FOXP4: variants seen among roughly 807,000 people sequenced by gnomAD.
The protein encoded by FOXP4 is forkhead box protein P4.
A neutral mutation model predicts 82.6 loss-of-function variants in FOXP4; 25 were observed. The ratio of observed to expected loss-of-function variants is 0.30; its 90% CI spans 0.22 to 0.42. The LOEUF (loss-of-function observed/expected upper bound fraction) is 0.42, where lower values mean the gene tolerates loss of function less well. Ranked by LOEUF, FOXP4 falls within the 10% of genes least tolerant of loss-of-function variation. FOXP4 has a pLI of 1.00. For synonymous variants in FOXP4, 415 were observed against 388.2 expected, an observed-to-expected ratio of 1.07 and a Z score of -0.81; for missense variants, 785 against 900.9, an observed-to-expected ratio of 0.87 and a Z score of 1.65.
rs186052270 is a variant in FOXP4, at chr6:41,552,076, G to A, written c.-17+5209G>A. On this transcript the variant is annotated intron_variant, in intron 1 of 16. Coordinates refer to ENST00000307972, the MANE Select transcript of FOXP4 (RefSeq NM_001012426.2). ...GCCTCCCCGTGTGAAATGAAACCAG[G>A]GGGTGGGAGGTTGGGGTAGCTTCCG... Among the ~76,000 whole-genome samples, 672 of 152,298 alleles carry A rather than the reference G, an allele frequency of 4.4e-3. 4 individuals carry two copies. The highest frequency in any genetic ancestry group is 6.8e-3 in the Middle Eastern group (2 of 294).
Position 41,585,521 on chromosome 6 carries a change from A to G in FOXP4, c.510+4A>G. The G allele has an allele frequency of 6.2e-7, 1 of 1,613,452 alleles. No homozygotes were observed. The highest frequency in any genetic ancestry group is 8.5e-7 in the Non-Finnish European group (1 of 1,179,724). On this transcript the variant is annotated splice_donor_region_variant and intron_variant, in intron 5 of 16. Coordinates refer to ENST00000307972, the MANE Select transcript of FOXP4 (RefSeq NM_001012426.2). ...TGGGAAACCGCAGCCCAAAGAGGTA[A>G]GGGGCTGTACCAGGGCCCACCACCG...
intron 2 of FOXP4, among the ~76,000 whole-genome samples, chr6:41,574,303 G>T (rs556120835): frequency 6.6e-6 from 1 of 152,320 alleles, no homozygotes; most frequent in Non-Finnish European, 1.5e-5. Context: ...GCCCTGAGCA[G>T]TCAGAGGTGT....
At position 41,587,727 on chromosome 6, in the gene FOXP4, A is replaced by G. The variant is rs904451627; in HGVS notation, c.873-66A>G. 82 of 1,135,324 alleles carry G rather than the reference A, an allele frequency of 7.2e-5. No homozygotes were observed. In the Admixed American group the frequency reaches 1.8e-3, roughly 25 times the overall value. 70.3% of individuals were successfully genotyped at this position (1,135,324 alleles called of 1,614,324 possible). On this transcript the variant is annotated intron_variant, in intron 7 of 16. Transcript: ENST00000307972. ...GTCACCAGCAGGGGAGCTGGTGCTC[A>G]GCTGACTACAGGGCCGCTGGGGTCT...
In FOXP4 at chr6:41,560,438, A is replaced by G. The variant is rs189750744; in HGVS notation, c.-16-5307A>G. On this transcript the variant is annotated intron_variant, in intron 1 of 16. Coordinates refer to ENST00000307972, the MANE Select transcript of FOXP4 (RefSeq NM_001012426.2). ...GAAACGATATCTTATTTAAATTCCA[A>G]CCGCCACCATTGCTCTGGGTACGGG... Among the ~76,000 whole-genome samples, 1,026 of 152,266 alleles carry G rather than the reference A, an allele frequency of 6.7e-3. 15 individuals carry two copies. Among genetic ancestry groups the G allele is most frequent in the African/African-American group, 0.023 (964 of 41,562 alleles).
intron 14 of FOXP4, among the ~76,000 whole-genome samples, chr6:41,596,614 A>G (rs1237573534): frequency 6.6e-6 from 1 of 151,884 alleles, no homozygotes; most frequent in Non-Finnish European, 1.5e-5. Flanking sequence ...TCACTGGAAG[A>G]GGGACAGCCC....
intron 1 of FOXP4, 38 bp from the exon 2 acceptor site, chr6:41,565,707 G>T: frequency 6.5e-7 from 1 of 1,538,568 alleles, no homozygotes; most frequent in Middle Eastern, 1.8e-4. Flanking sequence ...TCAGCCTTCA[G>T]CCTCAGCCTC....
chr6:41,578,009 C>T lies in FOXP4; in HGVS notation c.228C>T (p.Phe76=), dbSNP rs757620369. ...AGGCTCTCCAAGTGGCCCGGCAGTTCCTGCTGCAGCAGGCCTCAGGCCTGA... is the reference window on the plus strand; with the variant it reads ...AGGCTCTCCAAGTGGCCCGGCAGTTTCTGCTGCAGCAGGCCTCAGGCCTGA... ...QQQALQVARQ[F]LLQQASGLSS... Residue 76 remains phenylalanine (F), a synonymous_variant, in exon 3 of 17, where the codon TTC becomes TTT. Coordinates refer to ENST00000307972, the MANE Select transcript of FOXP4 (RefSeq NM_001012426.2). 7 of 1,613,076 alleles carry T rather than the reference C, an allele frequency of 4.3e-6. No homozygotes were observed. Among genetic ancestry groups the T allele is most frequent in the Admixed American group, 1.7e-5 (1 of 60,020 alleles).
Position 41,601,292 on chromosome 6 carries a change from C to T in FOXP4, c.*2356C>T, listed in dbSNP as rs1394150967. On this transcript the variant is annotated 3_prime_UTR_variant, in exon 17 of 17. Coordinates refer to ENST00000307972, the MANE Select transcript of FOXP4 (RefSeq NM_001012426.2). ...AGGCTGCAAGGAAAGAGGCCAAGGG[C>T]CAAGCTGCTAAGCCAAAGATGGCCC... 1 of 152,524 alleles carries T rather than the reference C, an allele frequency of 6.6e-6. No individual in the cohort carries two copies. The highest frequency in any genetic ancestry group is 2.4e-5 in the African/African-American group (1 of 41,426). 9.4% of individuals were successfully genotyped at this position (152,524 alleles called of 1,614,324 possible).
At chr6:41,585,697 T>G (rs1766071289) in intron 5 of FOXP4, among the ~76,000 whole-genome samples, 180 bp downstream of exon 5, 1 of 152,052 alleles carries the variant, frequency 6.6e-6, no homozygotes, top group African/African-American at 2.4e-5. Context: ...TGTCTCCATC[T>G]CCCCTCATCC....
In FOXP4 at chr6:41,577,971, GC is replaced by G. The variant is rs1765579971; in HGVS notation, c.205-11del. ...AGCCTCCCAGGCCATTGCTGACTCAGCCCCTGTCTTGCAGGCTCTCCAAGTG... is the reference window on the plus strand; with the variant it reads ...AGCCTCCCAGGCCATTGCTGACTCAGCCCTGTCTTGCAGGCTCTCCAAGTG... On this transcript the variant is annotated splice_polypyrimidine_tract_variant and intron_variant, in intron 2 of 16. Coordinates refer to ENST00000307972, the MANE Select transcript of FOXP4 (RefSeq NM_001012426.2). 6.2e-7 allele frequency: 1 copy of G among 1,607,240 alleles called. No homozygotes were observed.
chr6:41,595,978 A>G (rs1011589403), intron 14 of FOXP4, among the ~76,000 whole-genome samples: 7 of 152,068 alleles, frequency 4.6e-5, no homozygotes, highest in African/African-American at 1.5e-4. Context: ...GCTCACTGCA[A>G]CCTCCACCTT....
intron 13 of FOXP4, among the ~76,000 whole-genome samples, 162 bp from the exon 14 acceptor site, chr6:41,594,708 C>T (rs41273786): frequency 0.092 from 14,029 of 152,200 alleles, 676 homozygotes; most frequent in Non-Finnish European, 0.099. Context: ...GGCCCGCCTT[C>T]CCTTTGGCTG....
intron 2 of FOXP4, among the ~76,000 whole-genome samples, chr6:41,571,541 G>A (rs1477993879): frequency 6.6e-6 from 1 of 152,212 alleles, no homozygotes; most frequent in East Asian, 1.9e-4. Context: ...CAGGATGTGA[G>A]TCGTCTCCCA....
intron 2 of FOXP4, 133 bp downstream of exon 2, chr6:41,566,097 C>A: frequency 1.1e-6 from 1 of 929,582 alleles, no homozygotes; most frequent in Non-Finnish European, 1.5e-6. Flanking sequence ...ACAGTCCAGC[C>A]TCCAAGGACT....
intron 1 of FOXP4, among the ~76,000 whole-genome samples, chr6:41,557,026 C>T (rs960998729): frequency 3.9e-5 from 6 of 152,184 alleles, no homozygotes; most frequent in Non-Finnish European, 8.8e-5. Context: ...CCATTTCAAG[C>T]CCGGCAAAAG....
chr6:41,557,094 G>A (rs1291453975), intron 1 of FOXP4, among the ~76,000 whole-genome samples: 1 of 152,182 alleles, frequency 6.6e-6, no homozygotes, highest in Non-Finnish European at 1.5e-5. Context: ...ACTGTGCTCA[G>A]TATCAGCTGC....
intron 3 of FOXP4, among the ~76,000 whole-genome samples, chr6:41,582,134 G>GA (rs1289262905): frequency 1.3e-5 from 2 of 152,236 alleles, no homozygotes; most frequent in African/African-American, 4.8e-5. Flanking sequence ...TTTAAAAAGT[G>GA]ATTTTCTTCA....
At chr6:41,568,492 G>A (rs531857912) in intron 2 of FOXP4, among the ~76,000 whole-genome samples, 98 of 152,316 alleles carry the variant, frequency 6.4e-4, no homozygotes, top group African/African-American at 2.1e-3. Flanking sequence ...GCGAGGCCTC[G>A]AGCATAGTGG....
At chr6:41,577,253 C>T (rs1212901826) in intron 2 of FOXP4, among the ~76,000 whole-genome samples, 2 of 152,188 alleles carry the variant, frequency 1.3e-5, no homozygotes, top group African/African-American at 4.8e-5. Flanking sequence ...TGATAGTATA[C>T]CTTTCAGAAC....
Sources: gnomAD v4.1 joint callset for allele counts (sites outside exome capture counted in the v4.1 genomes callset) on GRCh38, gnomAD v4.1.1 for gene constraint, MANE v1.5 for transcripts, NCBI Gene and HGNC (gene_info 2026-07-23, HGNC 2026-07-21) for gene names.